PPP1R14C: variants seen among roughly 807,000 people sequenced by gnomAD.
The protein encoded by PPP1R14C is protein phosphatase 1 regulatory inhibitor subunit 14C.
A neutral mutation model predicts 20.4 loss-of-function variants in PPP1R14C; 16 were observed. That is an observed-to-expected ratio of 0.78 (90% CI 0.53 to 1.19). PPP1R14C has a LOEUF of 1.19. Ranked by LOEUF, PPP1R14C falls within the 50% of genes most tolerant of loss-of-function variation. PPP1R14C has a pLI of 0.00. For synonymous variants in PPP1R14C, 91 were observed against 91.0 expected (o/e 1.00, Z 0.00); for missense variants, 211 against 220.1 (o/e 0.96, Z 0.26).
chr6:150,160,460 A>C (rs1044711118), intron 1 of PPP1R14C, among the ~76,000 whole-genome samples: 2 of 148,512 alleles, frequency 1.3e-5, no homozygotes, highest in African/African-American at 5.0e-5. Context: ...TTTTTAGTAG[A>C]GATGGGGTTT....
At chr6:150,170,403 A>AG (rs1777483649) in intron 1 of PPP1R14C, among the ~76,000 whole-genome samples, 2 of 151,658 alleles carry the variant, frequency 1.3e-5, no homozygotes, top group Admixed American at 6.6e-5. Context: ...GCTCACTGCA[A>AG]GCTCTGCCTC....
intron 1 of PPP1R14C, among the ~76,000 whole-genome samples, chr6:150,193,099 C>A (rs1777765279): frequency 6.6e-6 from 1 of 152,030 alleles, no homozygotes; most frequent in African/African-American, 2.4e-5. Context: ...CTGTTCCTGG[C>A]AGATATGGGC....
chr6:150,180,366 A>G (rs1777607794), intron 1 of PPP1R14C, among the ~76,000 whole-genome samples: 1 of 152,234 alleles, frequency 6.6e-6, no homozygotes, highest in Non-Finnish European at 1.5e-5. Flanking sequence ...TAGCTGTGTG[A>G]CTGTGGGCAA....
chr6:150,150,345 G>A (rs1254331127), intron 1 of PPP1R14C, among the ~76,000 whole-genome samples: 1 of 152,116 alleles, frequency 6.6e-6, no homozygotes, highest in Non-Finnish European at 1.5e-5. Context: ...GAATTCTTTT[G>A]CAAATGTGAT....
rs924743232 is a variant in PPP1R14C, at chr6:150,201,353, C to T, written c.307-13391C>T. 5.4e-4 allele frequency among the ~76,000 whole-genome samples: 82 copies of T among 152,114 alleles called. No homozygotes were observed. Among genetic ancestry groups the T allele is most frequent in the African/African-American group, 2.0e-3 (81 of 41,400 alleles). On this transcript the variant is annotated intron_variant, in intron 1 of 3. Coordinates refer to ENST00000361131, the MANE Select transcript of PPP1R14C (RefSeq NM_030949.3). The surrounding 1 kb of genome is among the most constrained non-coding windows in gnomAD (Gnocchi z 4.2). Reference sequence around the variant, plus strand: ...TCCAGGGCTGGGAGGTTGACCTCATCACAAGTCTGGCGAAGACATTTTGCT... The same window carrying T: ...TCCAGGGCTGGGAGGTTGACCTCATTACAAGTCTGGCGAAGACATTTTGCT...
intron 1 of PPP1R14C, among the ~76,000 whole-genome samples, chr6:150,156,269 G>A (rs1425716900): frequency 6.6e-6 from 1 of 152,022 alleles, no homozygotes; most frequent in Non-Finnish European, 1.5e-5. Flanking sequence ...GGGATACAGA[G>A]TATATATTTT....
At chr6:150,147,500 A>G (rs1777193268) in intron 1 of PPP1R14C, among the ~76,000 whole-genome samples, 1 of 152,200 alleles carries the variant, frequency 6.6e-6, no homozygotes, top group Non-Finnish European at 1.5e-5. Flanking sequence ...TTTTAAGAGC[A>G]TTTGAAATCT....
chr6:150,148,944 G>A (rs1582892768), intron 1 of PPP1R14C, among the ~76,000 whole-genome samples: 2 of 152,092 alleles, frequency 1.3e-5, no homozygotes, highest in African/African-American at 4.8e-5. Context: ...TGCGCTGGTG[G>A]TCCCTGCTTC....
At chr6:150,238,983 G>A (rs17079490) in intron 3 of PPP1R14C, among the ~76,000 whole-genome samples, 16,244 of 152,050 alleles carry the variant, frequency 0.11, 901 homozygotes, top group East Asian at 0.22. Flanking sequence ...AGCAGTGTCA[G>A]ATCCCCATAC....
chr6:150,152,833 A>G (rs150203355), intron 1 of PPP1R14C, among the ~76,000 whole-genome samples: 35 of 152,208 alleles, frequency 2.3e-4, no homozygotes, highest in Non-Finnish European at 4.3e-4. Flanking sequence ...TCTGCTATGG[A>G]CTGAATGTTT....
chr6:150,170,527 T>G (rs1431091368), intron 1 of PPP1R14C, among the ~76,000 whole-genome samples: 1 of 152,080 alleles, frequency 6.6e-6, no homozygotes, highest in Admixed American at 6.6e-5. Flanking sequence ...TTTCAATGTG[T>G]TAGCCAGGAT....
intron 3 of PPP1R14C, among the ~76,000 whole-genome samples, chr6:150,228,560 A>G (rs577471648): frequency 2.0e-4 from 30 of 152,284 alleles, no homozygotes; most frequent in Admixed American, 1.6e-3. Context: ...CAGAGTTTTT[A>G]CTGGGGCTTA....
rs956487713 is a variant in PPP1R14C at position 150,218,319 on chromosome 6, C to T, written c.423+1463C>T. Among the ~76,000 whole-genome samples the T allele has an allele frequency of 2.9e-4, 44 of 151,970 alleles. 1 individual carries two copies. The highest frequency in any genetic ancestry group is 1.9e-4 in the African/African-American group (8 of 41,384). ...TCGGGAGGCTGAGGCAGGAGAATGG[C>T]GTGAACCTGGGAGGCGGAGCTTGCA... On this transcript the variant is annotated intron_variant, in intron 3 of 3. Coordinates refer to ENST00000361131, the MANE Select transcript of PPP1R14C (RefSeq NM_030949.3).
intron 3 of PPP1R14C, among the ~76,000 whole-genome samples, chr6:150,223,674 G>T (rs553303037): frequency 1.3e-5 from 2 of 151,928 alleles, no homozygotes; most frequent in South Asian, 4.2e-4. Flanking sequence ...TAAGTTTTCT[G>T]GTCCATCTTT....
At chr6:150,239,328 G>A (rs1345946843) in intron 3 of PPP1R14C, among the ~76,000 whole-genome samples, 1 of 152,046 alleles carries the variant, frequency 6.6e-6, no homozygotes, top group African/African-American at 2.4e-5. Flanking sequence ...ACATATTCTG[G>A]GACAGAAAGC....
rs1778549066 is a variant in PPP1R14C at position 150,250,223 on chromosome 6, A to AAAGTT, written c.*1403_*1404insAAGTT. 1 of 152,494 alleles carries AAAGTT rather than the reference A, an allele frequency of 6.6e-6. No homozygotes were observed. Among genetic ancestry groups the AAAGTT allele is most frequent in the Non-Finnish European group, 1.5e-5 (1 of 68,032 alleles). The allele number at this position is 152,494 out of a possible 1,614,324, so 9.4% of individuals were successfully genotyped here. Reference sequence around the variant, plus strand: ...TTTATATCAAGGGTGCTCTGAACATATTTTATTTTTTAAAAAAACTATGTT... The same window carrying AAAGTT: ...TTTATATCAAGGGTGCTCTGAACATAAAGTTTTTTATTTTTTAAAAAAACTATGTT... On this transcript the variant is annotated 3_prime_UTR_variant, in exon 4 of 4. Transcript: ENST00000361131.
rs145194461 is a variant in PPP1R14C, at chr6:150,179,869, G to A, written c.307-34875G>A. On this transcript the variant is annotated intron_variant, in intron 1 of 3. Coordinates refer to ENST00000361131, the MANE Select transcript of PPP1R14C (RefSeq NM_030949.3). ...TTGGTTTTTCTCATTTGTAAGGTGT[G>A]TTTTGGGGAAACAGATAACAAAAGG... 4.2e-3 allele frequency among the ~76,000 whole-genome samples: 634 copies of A among 152,272 alleles called. 3 individuals are homozygous for A. Among genetic ancestry groups the A allele is most frequent in the African/African-American group, 0.014 (586 of 41,544 alleles).
At chr6:150,166,841 G>C (rs1483221037) in intron 1 of PPP1R14C, among the ~76,000 whole-genome samples, 1 of 152,174 alleles carries the variant, frequency 6.6e-6, no homozygotes, top group Non-Finnish European at 1.5e-5. Context: ...GCTTGTCTCA[G>C]GTGAATATTT....
rs537901943 is a variant in PPP1R14C at position 150,249,553 on chromosome 6, C to T, written c.*733C>T. On this transcript the variant is annotated 3_prime_UTR_variant, in exon 4 of 4. Coordinates refer to ENST00000361131, the MANE Select transcript of PPP1R14C (RefSeq NM_030949.3). ...CTTTGCCAGGTCATGTGCTTATTGT[C>T]TCATTTTGTAGTCTTTTAAAGTTGT... 1.0e-5 allele frequency: 4 copies of T among 398,524 alleles called. No homozygotes were observed. The South Asian group carries it at 3.8e-4, about 38-fold the overall frequency. The allele number at this position is 398,524 out of a possible 1,614,324, so 24.7% of individuals were successfully genotyped here.
Sources: gnomAD v4.1 joint callset for allele counts (sites outside exome capture counted in the v4.1 genomes callset) on GRCh38, gnomAD v4.1.1 for gene constraint, Gnocchi (gnomAD v3.1) non-coding constraint, MANE v1.5 for transcripts, NCBI Gene and HGNC (gene_info 2026-07-23, HGNC 2026-07-21) for gene names.